DIP2C: variants seen among roughly 807,000 people sequenced by gnomAD.
DIP2C encodes the protein DIP2 acetate--CoA ligase C (putative), also known as disco-interacting protein 2 homolog C.
DIP2C carries 33 observed loss-of-function variants against 192.4 expected under a neutral mutation model. That is an observed-to-expected ratio of 0.17 (90% CI 0.13 to 0.23). The LOEUF is 0.23. Among genes scored for constraint, DIP2C ranks in the 10% least tolerant of loss-of-function variants. The pLI, the probability that DIP2C is intolerant of heterozygous loss-of-function variation, is 1.00. For synonymous variants in DIP2C, 979 were observed against 864.1 expected, an observed-to-expected ratio of 1.13 and a Z score of -2.33; for missense variants, 1,537 against 2,110.1, an observed-to-expected ratio of 0.73 and a Z score of 5.32.
intron 1 of DIP2C, among the ~76,000 whole-genome samples, chr10:496,811 C>T (rs1032453281): frequency 1.3e-5 from 2 of 152,112 alleles, no homozygotes; most frequent in Admixed American, 6.5e-5. Context: ...ACAGAACCCA[C>T]GGTGCCCTCT....
chr10:443,161 T>C (rs1239817381), intron 3 of DIP2C, among the ~76,000 whole-genome samples: 1 of 152,154 alleles, frequency 6.6e-6, no homozygotes, highest in Non-Finnish European at 1.5e-5. Context: ...CAATTAAGAT[T>C]TGGGAGGAGA....
Position 529,001 on chromosome 10 carries a change from G to A in DIP2C, c.86-42471C>T, listed in dbSNP as rs191399926. 2.1e-3 allele frequency among the ~76,000 whole-genome samples: 314 copies of A among 152,308 alleles called. 1 individual carries two copies. Among genetic ancestry groups the A allele is most frequent in the Non-Finnish European group, 3.6e-3 (244 of 68,020 alleles). ...CTGAGCTGATCATGAGACACCTGAC[G>A]GGGATGGTGCCAGAACCCCTCCCAG... On this transcript the variant is annotated intron_variant, in intron 1 of 36. Transcript: ENST00000280886.
At chr10:662,775 G>A (rs1856838706) in intron 1 of DIP2C, 1 of 693,804 alleles carries the variant, frequency 1.4e-6, no homozygotes, top group Non-Finnish European at 2.7e-6. Flanking sequence ...CTCTTGTGTT[G>A]CCTATTCTCT....
chr10:403,785 T>C (rs550547883), intron 9 of DIP2C, among the ~76,000 whole-genome samples: 5 of 149,328 alleles, frequency 3.3e-5, no homozygotes, highest in Non-Finnish European at 7.4e-5. Context: ...GTGGTAGTAT[T>C]AGCATTACTC....
intron 3 of DIP2C, among the ~76,000 whole-genome samples, chr10:448,103 C>A (rs1398929530): frequency 2.3e-5 from 3 of 130,632 alleles, no homozygotes; most frequent in African/African-American, 1.2e-4. Context: ...AGTGGGGCAG[C>A]AGGACCCACT....
chr10:407,515 C>A (rs934987181), intron 9 of DIP2C, among the ~76,000 whole-genome samples: 1 of 152,140 alleles, frequency 6.6e-6, no homozygotes, highest in Non-Finnish European at 1.5e-5. Context: ...TCACGTTTTT[C>A]GGAGAGGCTG....
At chr10:344,447 G>A (rs1416539590) in intron 28 of DIP2C, among the ~76,000 whole-genome samples, 2 of 152,146 alleles carry the variant, frequency 1.3e-5, no homozygotes, top group African/African-American at 4.8e-5. Flanking sequence ...TCTGAGCTGA[G>A]AGGGTCATGA....
At chr10:293,971 C>T (rs1955618642) in intron 32 of DIP2C, among the ~76,000 whole-genome samples, 1 of 152,172 alleles carries the variant, frequency 6.6e-6, no homozygotes, top group Admixed American at 6.5e-5. Flanking sequence ...CGAGAGAAAA[C>T]AGAGGAATGT....
chr10:588,770 G>A (rs924791515), intron 1 of DIP2C, among the ~76,000 whole-genome samples: 1 of 152,180 alleles, frequency 6.6e-6, no homozygotes. Flanking sequence ...AGCCTGCCAG[G>A]CTGGTACTCT....
intron 1 of DIP2C, among the ~76,000 whole-genome samples, chr10:568,610 A>AGCCTGAGCCTGCACAGC (rs1849579920): frequency 6.6e-6 from 1 of 151,734 alleles, no homozygotes. Flanking sequence ...TACTAAAAAT[A>AGCCTGAGCCTGCACAGC]CAAAAATTAG....
At position 519,809 on chromosome 10, in the gene DIP2C, C is replaced by T. The variant is rs117468360; in HGVS notation, c.86-33279G>A. ...ACGCAGTCTTGAAGCACAGCTGTGACGTGGAGACAGATCCCAGGCCTCCCC... is the reference window on the plus strand; with the variant it reads ...ACGCAGTCTTGAAGCACAGCTGTGATGTGGAGACAGATCCCAGGCCTCCCC... On this transcript the variant is annotated intron_variant, in intron 1 of 36. Transcript: ENST00000280886. 2.6e-4 allele frequency among the ~76,000 whole-genome samples: 39 copies of T among 152,348 alleles called. No homozygotes were observed. The East Asian group carries it at 6.4e-3, about 25-fold the overall frequency.
intron 3 of DIP2C, among the ~76,000 whole-genome samples, chr10:469,165 G>A (rs1432622724): frequency 3.9e-5 from 6 of 152,098 alleles, no homozygotes; most frequent in African/African-American, 9.7e-5. Context: ...GAGTCACTCT[G>A]GGTGCAGAAT....
chr10:475,786 T>C (rs1253480484), intron 2 of DIP2C, among the ~76,000 whole-genome samples: 1 of 152,162 alleles, frequency 6.6e-6, no homozygotes, highest in Non-Finnish European at 1.5e-5. Flanking sequence ...GGCTTAACGA[T>C]ATGTTCCTGG....
At chr10:355,887 G>A (rs1291726554) in intron 24 of DIP2C, among the ~76,000 whole-genome samples, 14 of 152,242 alleles carry the variant, frequency 9.2e-5, no homozygotes, top group Admixed American at 7.8e-4. Context: ...GACCATCCTC[G>A]CCAACATGGT....
At chr10:490,093 G>C (rs1844324628) in intron 1 of DIP2C, among the ~76,000 whole-genome samples, 1 of 39,200 alleles carries the variant, frequency 2.6e-5, no homozygotes, top group South Asian at 1.2e-3. Context: ...CCAGGGACAT[G>C]GTGGCTCTGA....
chr10:404,856 A>C (rs1393724316), intron 9 of DIP2C, among the ~76,000 whole-genome samples: 1 of 152,246 alleles, frequency 6.6e-6, no homozygotes, highest in Non-Finnish European at 1.5e-5. Flanking sequence ...TCTTCAAACT[A>C]TCCGAGGTTT....
intron 1 of DIP2C, among the ~76,000 whole-genome samples, chr10:495,501 A>G (rs999153074): frequency 3.3e-5 from 5 of 152,146 alleles, no homozygotes; most frequent in Admixed American, 2.0e-4. Flanking sequence ...TCCTCCCTAA[A>G]AACTATAGGT....
intron 1 of DIP2C, among the ~76,000 whole-genome samples, chr10:631,511 G>A (rs915438645): frequency 6.6e-6 from 1 of 152,062 alleles, no homozygotes. Flanking sequence ...GACAGCGGAT[G>A]ATGAAACTGT....
At chr10:382,191 T>C (rs1195644473) in intron 17 of DIP2C, among the ~76,000 whole-genome samples, 2 of 152,142 alleles carry the variant, frequency 1.3e-5, no homozygotes, top group East Asian at 3.8e-4. Flanking sequence ...AAATATGTAT[T>C]AGGCATCAAC....
Sources: gnomAD v4.1 joint callset for allele counts (sites outside exome capture counted in the v4.1 genomes callset) on GRCh38, gnomAD v4.1.1 for gene constraint, MANE v1.5 for transcripts, NCBI Gene and HGNC (gene_info 2026-07-23, HGNC 2026-07-21) for gene names.